Variants in EFCAB6 observed in about 807,000 individuals in gnomAD.
EFCAB6 encodes the protein EF-hand calcium-binding domain-containing protein 6.
EFCAB6 carries 156 observed loss-of-function variants against 169.8 expected under a neutral mutation model. The observed-to-expected ratio is 0.92, with a 90% CI of 0.81 to 1.05. EFCAB6 has a LOEUF of 1.05. EFCAB6 is among the 50% of genes least tolerant of loss of function. The pLI is 0.00. For synonymous variants in EFCAB6, 698 were observed against 676.4 expected, an observed-to-expected ratio of 1.03 and a Z score of -0.50; for missense variants, 1,800 against 1,829.1, an observed-to-expected ratio of 0.98 and a Z score of 0.29.
intron 21 of EFCAB6, among the ~76,000 whole-genome samples, chr22:43,611,156 T>C (rs2147657142): frequency 6.6e-6 from 1 of 152,318 alleles, no homozygotes; most frequent in Non-Finnish European, 1.5e-5. Context: ...ATGTCATTGA[T>C]AGTTCACCAG....
At chr22:43,674,278 A>G (rs1283381917) in intron 13 of EFCAB6, among the ~76,000 whole-genome samples, 1 of 152,076 alleles carries the variant, frequency 6.6e-6, no homozygotes, top group Non-Finnish European at 1.5e-5. Context: ...ATTCATGTTT[A>G]TTCATTCATT....
At chr22:43,550,072 G>A (rs965097812) in intron 27 of EFCAB6, among the ~76,000 whole-genome samples, 1 of 152,202 alleles carries the variant, frequency 6.6e-6, no homozygotes, top group Non-Finnish European at 1.5e-5. Flanking sequence ...GAGTCAGGAA[G>A]GAGGAGTAGG....
chr22:43,570,633 C>T (rs568143641), intron 26 of EFCAB6, among the ~76,000 whole-genome samples: 36 of 135,508 alleles, frequency 2.7e-4, no homozygotes, highest in Non-Finnish European at 5.1e-4. Flanking sequence ...TTTTCCTGTT[C>T]GGCTTCTTCA....
At chr22:43,698,152 A>G (rs1052220555) in intron 10 of EFCAB6, among the ~76,000 whole-genome samples, 6 of 152,088 alleles carry the variant, frequency 3.9e-5, no homozygotes, top group African/African-American at 1.4e-4. Context: ...TGGTTTGAAA[A>G]CATGAACTTC....
chr22:43,611,626 A>G (rs966327126), intron 21 of EFCAB6, among the ~76,000 whole-genome samples: 1 of 152,004 alleles, frequency 6.6e-6, no homozygotes, highest in Non-Finnish European at 1.5e-5. Flanking sequence ...GCGAAACCCT[A>G]TCTCCACAAA....
At chr22:43,752,014 T>G (rs1047927934) in intron 6 of EFCAB6, among the ~76,000 whole-genome samples, 2 of 151,960 alleles carry the variant, frequency 1.3e-5, no homozygotes, top group African/African-American at 4.8e-5. Context: ...GTCCAAAAGA[T>G]TAAGGCCCCA....
chr22:43,620,309 AAAAAAAGAAAAGAAAAG>A (rs1199146413), intron 20 of EFCAB6, among the ~76,000 whole-genome samples: 21 of 152,108 alleles, frequency 1.4e-4, no homozygotes, highest in Admixed American at 1.1e-3. Context: ...AGAGCTAGTT[AAAAAAAGAAAAGAAAAG>A]AAAAAAGAAA....
chr22:43,731,836 A>T, intron 7 of EFCAB6, 25 bp from the exon 8 acceptor site: 1 of 1,411,088 alleles, frequency 7.1e-7, no homozygotes, highest in Non-Finnish European at 9.6e-7. Flanking sequence ...TTCTTTAGTA[A>T]TGAGAAATTA....
intron 26 of EFCAB6, among the ~76,000 whole-genome samples, chr22:43,573,942 T>A (rs567081954): frequency 1.2e-4 from 18 of 152,156 alleles, no homozygotes; most frequent in Non-Finnish European, 2.5e-4. Flanking sequence ...AATGGTAATT[T>A]CATACAGTCC....
chr22:43,540,637 T>C, intron 27 of EFCAB6: 1 of 1,191,748 alleles, frequency 8.4e-7, no homozygotes, highest in Non-Finnish European at 1.1e-6. Flanking sequence ...GGCCATTAAA[T>C]CTTGTGATTA....
In EFCAB6 at chr22:43,576,493, AAAG is replaced by A; in HGVS notation, c.3229-8_3229-6del. The A allele has an allele frequency of 6.6e-7, 1 of 1,515,036 alleles. No homozygotes were observed. Among genetic ancestry groups the A allele is most frequent in the Non-Finnish European group, 8.8e-7 (1 of 1,139,854 alleles). The allele number at this position is 1,515,036 out of a possible 1,614,324, so 93.8% of individuals were successfully genotyped here. ...TTTATCCAATGCAGAAAATGCCTAA[AAAG>A]AAAGAAAAGAAAAAAAGATGGCAAA... On this transcript the variant is annotated splice_polypyrimidine_tract_variant and splice_region_variant and intron_variant, in intron 25 of 31. Coordinates refer to ENST00000262726, the MANE Select transcript of EFCAB6 (RefSeq NM_022785.4).
intron 16 of EFCAB6, among the ~76,000 whole-genome samples, chr22:43,668,082 C>T (rs1399124039): frequency 6.6e-6 from 1 of 152,202 alleles, no homozygotes; most frequent in Non-Finnish European, 1.5e-5. Flanking sequence ...GAATATTTAA[C>T]CCGTCTCTTA....
At chr22:43,634,267 C>T (rs867898443) in intron 18 of EFCAB6, among the ~76,000 whole-genome samples, 1 of 152,174 alleles carries the variant, frequency 6.6e-6, no homozygotes. Flanking sequence ...TACCCAGGGA[C>T]GGTGCTGAAA....
At chr22:43,767,483 T>C (rs946352350) in intron 4 of EFCAB6, among the ~76,000 whole-genome samples, 5 of 152,202 alleles carry the variant, frequency 3.3e-5, no homozygotes, top group Non-Finnish European at 7.3e-5. Flanking sequence ...TTGGAAGTGA[T>C]AAGAGGAAAT....
At chr22:43,568,097 C>T (rs1348550675) in intron 26 of EFCAB6, among the ~76,000 whole-genome samples, 3 of 152,168 alleles carry the variant, frequency 2.0e-5, no homozygotes, top group Non-Finnish European at 2.9e-5. Flanking sequence ...TTTGAGACGC[C>T]CACCCAGTTT....
At chr22:43,538,893 T>C (rs73430055) in intron 28 of EFCAB6, among the ~76,000 whole-genome samples, 1 of 152,132 alleles carries the variant, frequency 6.6e-6, no homozygotes, top group Non-Finnish European at 1.5e-5. Flanking sequence ...AGGTCCAAAG[T>C]CTGAACTGGG....
At chr22:43,786,694 A>G (rs923363039) in intron 2 of EFCAB6, among the ~76,000 whole-genome samples, 3 of 152,128 alleles carry the variant, frequency 2.0e-5, no homozygotes, top group Non-Finnish European at 4.4e-5. Context: ...AGCCTGGGCG[A>G]TAGAGCGAGA....
chr22:43,784,411 G>A (rs1386333286), intron 2 of EFCAB6, among the ~76,000 whole-genome samples: 1 of 150,098 alleles, frequency 6.7e-6, no homozygotes, highest in East Asian at 2.0e-4. Context: ...AGTGCTTTGA[G>A]AGGCTGAGGC....
At chr22:43,631,209 G>A (rs2054917085) in intron 19 of EFCAB6, among the ~76,000 whole-genome samples, 2 of 151,198 alleles carry the variant, frequency 1.3e-5, no homozygotes, top group Admixed American at 6.6e-5. Context: ...CCCACGGGGT[G>A]AGGATGCAGT....
Sources: gnomAD v4.1 joint callset for allele counts (sites outside exome capture counted in the v4.1 genomes callset) on GRCh38, gnomAD v4.1.1 for gene constraint, MANE v1.5 for transcripts, NCBI Gene and HGNC (gene_info 2026-07-23, HGNC 2026-07-21) for gene names.